The following RALYL variants were observed in gnomAD, a reference collection of about 807,000 sequenced individuals.
RALYL encodes the protein RNA-binding Raly-like protein.
Under a neutral mutation model 35.1 loss-of-function variants are expected in RALYL, and 29 were observed. The ratio of observed to expected loss-of-function variants is 0.83; its 90% CI spans 0.61 to 1.13. RALYL has a LOEUF of 1.13. Ranked by LOEUF, RALYL falls within the 50% of genes most tolerant of loss-of-function variation. The pLI, the probability that RALYL is intolerant of heterozygous loss-of-function variation, is 0.00. For missense variants in RALYL, 359 were observed against 360.4 expected (o/e 1.00, Z 0.03); for synonymous variants, 120 against 127.6 (o/e 0.94, Z 0.40).
chr8:84,525,377 T>C (rs1351299026), intron 1 of RALYL, among the ~76,000 whole-genome samples: 2 of 152,176 alleles, frequency 1.3e-5, no homozygotes, highest in East Asian at 1.9e-4. Context: ...TGTCAAAATA[T>C]AGATATTTTT....
At chr8:84,732,840 G>A (rs1181821139) in intron 2 of RALYL, among the ~76,000 whole-genome samples, 2 of 151,394 alleles carry the variant, frequency 1.3e-5, no homozygotes, top group African/African-American at 4.9e-5. Context: ...GGGATTACAG[G>A]GCTCACCACC....
chr8:84,836,142 C>G (rs1831977904), intron 4 of RALYL, among the ~76,000 whole-genome samples: 1 of 152,124 alleles, frequency 6.6e-6, no homozygotes, highest in Admixed American at 6.6e-5. Context: ...ATCAGAAACC[C>G]TGTGTTACTA....
intron 1 of RALYL, among the ~76,000 whole-genome samples, chr8:84,344,868 A>G (rs891811021): frequency 6.6e-6 from 1 of 152,076 alleles, no homozygotes. Flanking sequence ...TGCAAATTAT[A>G]GAATTTCCTT....
At chr8:84,348,588 T>G (rs1394679484) in intron 1 of RALYL, among the ~76,000 whole-genome samples, 3 of 152,122 alleles carry the variant, frequency 2.0e-5, no homozygotes, top group Non-Finnish European at 2.9e-5. Context: ...CCCAGGCAAT[T>G]ACACCACCAG....
intron 1 of RALYL, among the ~76,000 whole-genome samples, chr8:84,481,702 A>G (rs970415321): frequency 1.3e-5 from 2 of 152,204 alleles, no homozygotes; most frequent in African/African-American, 2.4e-5. Context: ...TATGCAAATC[A>G]TACGAAGGTA....
intron 2 of RALYL, among the ~76,000 whole-genome samples, chr8:84,672,881 C>T (rs1833534270): frequency 1.3e-5 from 2 of 152,122 alleles, no homozygotes; most frequent in Admixed American, 1.3e-4. Flanking sequence ...CAAACCATAT[C>T]AACCAAAAAG....
At chr8:84,226,619 A>AG (rs1823940386) in intron 1 of RALYL, among the ~76,000 whole-genome samples, 2 of 78,836 alleles carry the variant, frequency 2.5e-5, no homozygotes, top group Non-Finnish European at 4.9e-5. Flanking sequence ...TATGACTTAA[A>AG]AGGAGATAAT....
chr8:84,655,670 A>G (rs1326018571), intron 2 of RALYL, among the ~76,000 whole-genome samples: 2 of 151,962 alleles, frequency 1.3e-5, no homozygotes, highest in Non-Finnish European at 2.9e-5. Context: ...AGCTCCTTAT[A>G]TTCTGATGAT....
At chr8:84,468,728 C>T (rs959964738) in intron 1 of RALYL, among the ~76,000 whole-genome samples, 2 of 151,226 alleles carry the variant, frequency 1.3e-5, no homozygotes, top group South Asian at 2.1e-4. Context: ...GGATAATATC[C>T]TGCAGAGTGT....
intron 1 of RALYL, among the ~76,000 whole-genome samples, chr8:84,469,558 G>A (rs1367920130): frequency 3.9e-5 from 6 of 152,196 alleles, no homozygotes; most frequent in Non-Finnish European, 5.9e-5. Context: ...CTGTCAGACA[G>A]GGACATTTAA....
chr8:84,441,999 C>A (rs1352287348), intron 1 of RALYL, among the ~76,000 whole-genome samples: 1 of 151,858 alleles, frequency 6.6e-6, no homozygotes, highest in Non-Finnish European at 1.5e-5. Context: ...TGAAATTAAA[C>A]ATTAAGTAGA....
At chr8:84,190,456 T>A (rs1813585722) in intron 1 of RALYL, among the ~76,000 whole-genome samples, 1 of 152,172 alleles carries the variant, frequency 6.6e-6, no homozygotes, top group African/African-American at 2.4e-5. Context: ...ACATAAACTA[T>A]AGTGGAAACA....
chr8:84,711,583 A>T (rs920684379), intron 2 of RALYL, among the ~76,000 whole-genome samples: 1 of 152,136 alleles, frequency 6.6e-6, no homozygotes, highest in Non-Finnish European at 1.5e-5. Context: ...GAAAAAGTAA[A>T]TTTACATTTT....
rs536137764 is a variant in RALYL at position 84,671,305 on chromosome 8, T to C, written c.257-103274T>C. On this transcript the variant is annotated intron_variant, in intron 2 of 8. Coordinates refer to ENST00000521268, the MANE Select transcript of RALYL (RefSeq NM_173848.7). ...AATAGGCTGGCATTGAGTGTCTGTG[T>C]CTTTTCCAGGTACACAGTGTAAACT... Among the ~76,000 whole-genome samples, 3 of 152,276 alleles carry C rather than the reference T, an allele frequency of 2.0e-5. No homozygotes were observed. In the South Asian group the frequency reaches 6.2e-4, roughly 32 times the overall value.
chr8:84,223,141 TC>T (rs1454054493), intron 1 of RALYL, among the ~76,000 whole-genome samples: 31 of 129,764 alleles, frequency 2.4e-4, no homozygotes, highest in Middle Eastern at 3.9e-3. Context: ...TCCTTTCCTT[TC>T]CTTTCCTTTC....
intron 1 of RALYL, among the ~76,000 whole-genome samples, chr8:84,473,387 C>G (rs1000361184): frequency 6.6e-6 from 1 of 151,344 alleles, no homozygotes; most frequent in African/African-American, 2.4e-5. Context: ...AAAACATCAT[C>G]ATGATCATCT....
intron 1 of RALYL, among the ~76,000 whole-genome samples, chr8:84,283,149 G>A (rs1377304000): frequency 1.3e-5 from 2 of 152,108 alleles, no homozygotes; most frequent in Admixed American, 6.6e-5. Context: ...CTTAAGTGAT[G>A]TATAAGAGTT....
At chr8:84,235,988 A>T (rs528766617) in intron 1 of RALYL, among the ~76,000 whole-genome samples, 1 of 151,966 alleles carries the variant, frequency 6.6e-6, no homozygotes, top group South Asian at 2.1e-4. Flanking sequence ...GATGGTCTTG[A>T]TCTCCTGACC....
intron 1 of RALYL, among the ~76,000 whole-genome samples, chr8:84,227,380 A>G (rs568494478): frequency 3.9e-4 from 60 of 152,288 alleles, no homozygotes; most frequent in African/African-American, 1.3e-3. Context: ...ATTTCTTAAA[A>G]AGGCTCTAAT....
Sources: allele counts gnomAD v4.1 joint callset (sites outside exome capture counted in the v4.1 genomes callset), GRCh38; gene constraint gnomAD v4.1.1; transcripts MANE v1.5; gene names NCBI Gene and HGNC (gene_info 2026-07-23, HGNC 2026-07-21).